EHBP1: variants seen among roughly 807,000 people sequenced by gnomAD.
EHBP1 encodes the protein EH domain binding protein 1.
Under a neutral mutation model 144.0 loss-of-function variants are expected in EHBP1, and 55 were observed. The ratio of observed to expected loss-of-function variants is 0.38; its 90% CI spans 0.31 to 0.48. The LOEUF (loss-of-function observed/expected upper bound fraction) is 0.48. Among genes scored for constraint, EHBP1 ranks in the 20% least tolerant of loss-of-function variants. The pLI is 0.98. For missense variants in EHBP1, 1,200 were observed against 1,364.2 expected, an observed-to-expected ratio of 0.88 and a Z score of 1.90; for synonymous variants, 469 against 472.7, an observed-to-expected ratio of 0.99 and a Z score of 0.10.
intron 9 of EHBP1, among the ~76,000 whole-genome samples, chr2:62,870,545 C>A (rs964378261): frequency 3.3e-5 from 5 of 151,320 alleles, no homozygotes; most frequent in Non-Finnish European, 5.9e-5. Context: ...TGAGACCCCC[C>A]CCATCTACTA....
intron 7 of EHBP1, among the ~76,000 whole-genome samples, chr2:62,845,419 AACAGCAC>A (rs2048220529): frequency 6.6e-6 from 1 of 152,200 alleles, no homozygotes; most frequent in African/African-American, 2.4e-5. Flanking sequence ...AACAAAATCT[AACAGCAC>A]AGATGGTAGT....
chr2:63,014,901 C>T (rs1158612287), intron 19 of EHBP1, among the ~76,000 whole-genome samples: 1 of 152,060 alleles, frequency 6.6e-6, no homozygotes, highest in East Asian at 1.9e-4. Context: ...TCGCTTGAGC[C>T]CGGGAGGTGG....
At position 62,993,913 on chromosome 2, in the gene EHBP1, G is replaced by A; in HGVS notation, c.2915G>A (p.Gly972Glu). ...QRSIQEDTKK[G>E]NEEKAAITET... ...TCAATACAGGAAGATACAAAGAAAG[G>A]AAATGAGGAGAAGGCAGCGATAACT... Residue 972 changes from glycine to glutamate, a missense_variant, in exon 18 of 23, where the codon GGA becomes GAA. Physicochemically the swap from Gly to Glu is moderately conservative, Grantham distance 98 (BLOSUM62 -2). Coordinates refer to ENST00000431489, the MANE Select transcript of EHBP1 (RefSeq NM_001142616.3). 1 of 1,595,122 alleles carries A rather than the reference G, an allele frequency of 6.3e-7. No homozygotes were observed. Among genetic ancestry groups the A allele is most frequent in the Non-Finnish European group, 8.6e-7 (1 of 1,169,262 alleles).
rs2051843788 is a variant in EHBP1 at position 62,885,438 on chromosome 2, TA to T, written c.1185+10909del. On this transcript the variant is annotated intron_variant, in intron 10 of 22. Transcript: ENST00000431489. The stretch of plus-strand genomic sequence containing the variant: ...GAAAAAAGATCAATGTTTAGAGAAG[TA>T]AACTGACATTAAACATGTAACCATC... Among the ~76,000 whole-genome samples, 3 of 152,170 alleles carry T rather than the reference TA, an allele frequency of 2.0e-5. No homozygotes were observed. In the South Asian group the frequency reaches 6.2e-4, roughly 31 times the overall value.
intron 19 of EHBP1, among the ~76,000 whole-genome samples, chr2:63,015,831 A>G (rs2060464764): frequency 6.6e-6 from 1 of 152,168 alleles, no homozygotes; most frequent in African/African-American, 2.4e-5. Context: ...TTCTAATATG[A>G]TATACCGTGA....
intron 1 of EHBP1, among the ~76,000 whole-genome samples, chr2:62,682,897 T>C (rs944210698): frequency 1.3e-5 from 2 of 152,142 alleles, no homozygotes; most frequent in Non-Finnish European, 2.9e-5. Flanking sequence ...AACACAGTTA[T>C]GAAATGGCTA....
At chr2:62,906,152 C>CT (rs769180078) in intron 10 of EHBP1, among the ~76,000 whole-genome samples, 3,822 of 135,058 alleles carry the variant, frequency 0.028, 98 homozygotes, top group African/African-American at 0.077. Context: ...GTTATTTTGT[C>CT]TTTTTTTTTT....
At chr2:62,814,963 G>T (rs1034239859) in intron 5 of EHBP1, among the ~76,000 whole-genome samples, 2 of 152,066 alleles carry the variant, frequency 1.3e-5, no homozygotes, top group Non-Finnish European at 2.9e-5. Flanking sequence ...CTAAAAATAG[G>T]TACAATATGA....
chr2:62,691,376 C>T (rs150207771), intron 1 of EHBP1, among the ~76,000 whole-genome samples: 150 of 152,202 alleles, frequency 9.9e-4, no homozygotes, highest in Middle Eastern at 3.4e-3. Flanking sequence ...ATCTGTATCC[C>T]GTCAACAGAA....
At chr2:62,698,429 C>G (rs545629387) in intron 1 of EHBP1, among the ~76,000 whole-genome samples, 46 of 152,222 alleles carry the variant, frequency 3.0e-4, no homozygotes, top group African/African-American at 1.1e-3. Flanking sequence ...GTACTATGTT[C>G]AATATCTAAA....
intron 19 of EHBP1, among the ~76,000 whole-genome samples, chr2:63,017,233 A>G (rs898408158): frequency 6.6e-6 from 1 of 152,194 alleles, no homozygotes; most frequent in Non-Finnish European, 1.5e-5. Flanking sequence ...CATGTTGGCC[A>G]GGCTGGTCTT....
chr2:62,899,814 A>G (rs962155830), intron 10 of EHBP1, among the ~76,000 whole-genome samples: 1 of 152,210 alleles, frequency 6.6e-6, no homozygotes, highest in Non-Finnish European at 1.5e-5. Flanking sequence ...GAAGTTCCCT[A>G]TGCATCATAG....
chr2:62,748,777 T>G (rs1344559847), intron 3 of EHBP1, among the ~76,000 whole-genome samples: 1 of 152,160 alleles, frequency 6.6e-6, no homozygotes, highest in Non-Finnish European at 1.5e-5. Flanking sequence ...AAGAAAACTT[T>G]ATTAGTTTTA....
At chr2:62,752,936 G>A (rs1362802152) in intron 3 of EHBP1, among the ~76,000 whole-genome samples, 1 of 152,098 alleles carries the variant, frequency 6.6e-6, no homozygotes, top group African/African-American at 2.4e-5. Context: ...GCGCACTGAT[G>A]GGTCTTGACT....
At position 62,939,564 on chromosome 2, in the gene EHBP1, C is replaced by T. The variant is rs565684521; in HGVS notation, c.1186-3154C>T. ...TTGAGATTACAGGTGTGAACCGCCA[C>T]GCTCGGCCAAATTGCATTATTAAGT... On this transcript the variant is annotated intron_variant, in intron 10 of 22. Transcript: ENST00000431489. 6.6e-5 allele frequency among the ~76,000 whole-genome samples: 10 copies of T among 152,256 alleles called. No individual in the cohort carries two copies. In the South Asian group the frequency reaches 2.1e-3, roughly 32 times the overall value.
At chr2:62,898,779 A>C (rs1033433004) in intron 10 of EHBP1, among the ~76,000 whole-genome samples, 13 of 152,192 alleles carry the variant, frequency 8.5e-5, no homozygotes, top group Non-Finnish European at 1.9e-4. Context: ...GAGAAGGAAG[A>C]GGGGAGAAAA....
chr2:62,897,767 G>A (rs1461605465), intron 10 of EHBP1, among the ~76,000 whole-genome samples: 4 of 152,038 alleles, frequency 2.6e-5, no homozygotes, highest in African/African-American at 9.7e-5. Context: ...CTAGAAAATG[G>A]CATTGCCTTT....
At chr2:62,984,612 A>C (rs1362327315) in intron 15 of EHBP1, among the ~76,000 whole-genome samples, 1 of 152,216 alleles carries the variant, frequency 6.6e-6, no homozygotes, top group Non-Finnish European at 1.5e-5. Context: ...AGGTGTTAGG[A>C]AATATGTAAC....
chr2:62,959,605 T>C (rs2057896641), intron 14 of EHBP1, among the ~76,000 whole-genome samples: 1 of 152,200 alleles, frequency 6.6e-6, no homozygotes, highest in African/African-American at 2.4e-5. Context: ...GTGATCTTGA[T>C]TTGCACTTTC....
Sources: gnomAD v4.1 joint callset for allele counts (sites outside exome capture counted in the v4.1 genomes callset) on GRCh38, gnomAD v4.1.1 for gene constraint, MANE v1.5 for transcripts, NCBI Gene and HGNC (gene_info 2026-07-23, HGNC 2026-07-21) for gene names.